Variants in URB1 observed in about 807,000 individuals in gnomAD.
The protein encoded by URB1 is nucleolar pre-ribosomal-associated protein 1.
A neutral mutation model predicts 242.3 loss-of-function variants in URB1; 197 were observed. The ratio of observed to expected loss-of-function variants is 0.81; its 90% CI spans 0.72 to 0.91. URB1 has a LOEUF of 0.91. Ranked by LOEUF, URB1 falls within the 40% of genes least tolerant of loss-of-function variation. The pLI is 0.00. For missense variants in URB1, 2,721 were observed against 2,860.5 expected (o/e 0.95, Z 1.11); for synonymous variants, 1,153 against 1,201.8 (o/e 0.96, Z 0.84).
At chr21:32,320,705 C>A in intron 34 of URB1, 65 bp from the exon 35 acceptor site, 2 of 1,219,594 alleles carry the variant, frequency 1.6e-6, no homozygotes, top group South Asian at 1.3e-5. Context: ...TTAAAGAAAC[C>A]GTTTTAAAAA....
intron 9 of URB1, among the ~76,000 whole-genome samples, chr21:32,367,475 G>C (rs1215437328): frequency 2.6e-5 from 4 of 152,212 alleles, no homozygotes; most frequent in Non-Finnish European, 5.9e-5. Context: ...TGGTTTTATA[G>C]ATAATGCCAG....
chr21:32,354,768 CA>C (rs1395873923), intron 17 of URB1, 90 bp downstream of exon 17: 11 of 1,460,768 alleles, frequency 7.5e-6, no homozygotes, highest in Non-Finnish European at 9.1e-6. Context: ...TGGCCTAGGG[CA>C]TTAGTGCAGT....
In URB1 at chr21:32,366,757, T is replaced by G; in HGVS notation, c.1198-2A>C. 2 of 1,549,928 alleles carry G rather than the reference T, an allele frequency of 1.3e-6. No individual in the cohort carries two copies. Among genetic ancestry groups the G allele is most frequent in the Non-Finnish European group, 1.7e-6 (2 of 1,146,466 alleles). ...AATCTCCGGCTGAGCCTCATAGATC[T>G]AGGAAAAGCAAAAAAGAGATTTAGG... On this transcript the variant is annotated splice_acceptor_variant, in intron 9 of 38. Coordinates refer to ENST00000382751, the MANE Select transcript of URB1 (RefSeq NM_014825.3). LOFTEE classifies it high-confidence loss of function.
intron 30 of URB1, among the ~76,000 whole-genome samples, chr21:32,332,353 T>G (rs1475143491): frequency 1.3e-5 from 2 of 151,282 alleles, no homozygotes; most frequent in Non-Finnish European, 2.9e-5. Context: ...GTGAAAGAAC[T>G]TGTTAAAAGG....
At chr21:32,355,776 T>C (rs940644899) in intron 15 of URB1, among the ~76,000 whole-genome samples, 3 of 152,140 alleles carry the variant, frequency 2.0e-5, no homozygotes, top group Non-Finnish European at 2.9e-5. Flanking sequence ...GTCCAGCTAA[T>C]TTTTCTAATT....
chr21:32,346,903 C>T lies in URB1; in HGVS notation c.3868+53G>A, dbSNP rs552165333. On this transcript the variant is annotated intron_variant, in intron 22 of 38. Transcript: ENST00000382751. ...TAAAAATGGCCATGCAGTTCACCTTCTTAGCCCGTGCAACTTAAGACCCCA... is the reference window on the plus strand; with the variant it reads ...TAAAAATGGCCATGCAGTTCACCTTTTTAGCCCGTGCAACTTAAGACCCCA... 6.2e-6 allele frequency: 9 copies of T among 1,458,520 alleles called. No individual in the cohort carries two copies. In the South Asian group the frequency reaches 1.3e-4, roughly 21 times the overall value. The allele number at this position is 1,458,520 out of a possible 1,614,324, so 90.3% of individuals were successfully genotyped here. A position where few individuals can be genotyped will look rare whatever the true frequency, so the allele number is the denominator to read the frequency against.
chr21:32,369,081 A>C lies in URB1; in HGVS notation c.1002-483T>G, dbSNP rs548817010. On this transcript the variant is annotated intron_variant, in intron 8 of 38. Transcript: ENST00000382751. ...ATGTAGGGCTGGCTGTGGTACTCAC[A>C]ACTGTAATCCCAGCACTTTGGGAGG... Among the ~76,000 whole-genome samples the C allele has an allele frequency of 2.0e-5, 3 of 152,188 alleles. No homozygotes were observed. In the East Asian group the frequency reaches 5.8e-4, roughly 29 times the overall value.
rs2032633376 is a variant in URB1 at position 32,313,815 on chromosome 21, A to G, written c.*1103T>C. ...GGAAATTTTAACTGTGAAAACCACG[A>G]AATTTCATGACTTTTGTCAGCTACA... On this transcript the variant is annotated 3_prime_UTR_variant, in exon 39 of 39. Transcript: ENST00000382751. The G allele has an allele frequency of 6.6e-6, 1 of 152,234 alleles. No homozygotes were observed. Among genetic ancestry groups the G allele is most frequent in the African/African-American group, 2.4e-5 (1 of 41,448 alleles). The allele number at this position is 152,234 out of a possible 1,614,324, so 9.4% of individuals were successfully genotyped here. A position where few individuals can be genotyped will look rare whatever the true frequency, so the allele number is the denominator to read the frequency against.
rs1345411668 is a variant in URB1 at position 32,347,428 on chromosome 21, C to T, written c.3396G>A (p.Glu1132=). The change falls in exon 22 of 39, where the codon GAG becomes GAA. Residue 1132 remains glutamate (E), a synonymous_variant. Transcript: ENST00000382751. ...EVTLALLSLP[E]THLVTQQPTK... Reference sequence around the variant, plus strand: ...TGGGTTGCTGGGTCACCAGGTGTGTCTCAGGCAGGCTCAGCAAGGCCAGGG... The same window carrying T: ...TGGGTTGCTGGGTCACCAGGTGTGTTTCAGGCAGGCTCAGCAAGGCCAGGG... The T allele has an allele frequency of 1.3e-6, 2 of 1,551,356 alleles. No homozygotes were observed. The highest frequency in any genetic ancestry group is 1.7e-6 in the Non-Finnish European group (2 of 1,146,832).
intron 2 of URB1, 95 bp from the exon 3 acceptor site, chr21:32,384,559 G>T: frequency 6.9e-7 from 1 of 1,444,924 alleles, no homozygotes; most frequent in Non-Finnish European, 9.2e-7. Context: ...TTACTTGTAG[G>T]CTTAAAGCCT....
Position 32,383,361 on chromosome 21 carries a change from C to T in URB1, c.567+61G>A, listed in dbSNP as rs1376540921. 2.0e-6 allele frequency: 3 copies of T among 1,497,196 alleles called. No individual in the cohort carries two copies. The Admixed American group carries it at 6.9e-5, about 35-fold the overall frequency. 92.7% of individuals were successfully genotyped at this position (1,497,196 alleles called of 1,614,324 possible). ...CAGGGGCAGAGAATGGAGGAAAAAC[C>T]ACTACAGTCCTCCAAGGGAAGGAGA... On this transcript the variant is annotated intron_variant, in intron 4 of 38. Coordinates refer to ENST00000382751, the MANE Select transcript of URB1 (RefSeq NM_014825.3).
chr21:32,338,450 C>T (rs984478002), intron 26 of URB1, among the ~76,000 whole-genome samples: 6 of 152,308 alleles, frequency 3.9e-5, no homozygotes, highest in East Asian at 1.9e-4. Flanking sequence ...CCCATGATAA[C>T]GGCACTAAGA....
intron 28 of URB1, among the ~76,000 whole-genome samples, chr21:32,335,803 C>T (rs1219538179): frequency 1.3e-5 from 2 of 152,192 alleles, no homozygotes; most frequent in East Asian, 1.9e-4. Context: ...CATCTAAGGA[C>T]GAGATGTTTA....
intron 26 of URB1, among the ~76,000 whole-genome samples, chr21:32,338,365 C>A (rs2032986801): frequency 6.6e-6 from 1 of 152,158 alleles, no homozygotes; most frequent in African/African-American, 2.4e-5. Flanking sequence ...TGCAACTAAT[C>A]AATTTCTCTC....
intron 1 of URB1, 27 bp from the exon 2 acceptor site, chr21:32,385,711 T>C: frequency 6.5e-7 from 1 of 1,549,478 alleles, no homozygotes. Context: ...GTTCAAACAT[T>C]AACAAGGTCA....
chr21:32,317,528 C>T, intron 37 of URB1, 148 bp downstream of exon 37: 1 of 1,282,468 alleles, frequency 7.8e-7, no homozygotes, highest in Non-Finnish European at 1.0e-6. Flanking sequence ...GCCCAGCTCC[C>T]CATCCAGGGC....
intron 1 of URB1, 63 bp from the exon 2 acceptor site, chr21:32,385,747 C>T: frequency 6.5e-7 from 1 of 1,535,012 alleles, no homozygotes; most frequent in Non-Finnish European, 8.8e-7. Context: ...ATCACAGCCA[C>T]CACTGCAACC....
chr21:32,346,273 C>T (rs958248958), intron 22 of URB1, among the ~76,000 whole-genome samples: 5 of 152,196 alleles, frequency 3.3e-5, no homozygotes, highest in Non-Finnish European at 7.4e-5. Context: ...AGCCTGCAGA[C>T]GCATGGGCCA....
rs1284610403 is a variant in URB1 at position 32,349,381 on chromosome 21, A to G, written c.2935T>C (p.Cys979Arg). The change falls in exon 21 of 39, where the codon TGC (cysteine) becomes CGC (arginine). Residue 979 changes from cysteine (C) to arginine (R), a missense_variant. Coordinates refer to ENST00000382751, the MANE Select transcript of URB1 (RefSeq NM_014825.3). ...EQLDAQNQQR[C>R]EAARAEADLF... is the part of the protein sequence containing the mutation. The stretch of plus-strand genomic sequence containing the variant: ...TCGGCTTCGGCCCGGGCGGCCTCGC[A>G]TCTCTGCTGGTTCTGGGCATCCAGC... The G allele has an allele frequency of 6.4e-7, 1 of 1,551,538 alleles. No individual in the cohort carries two copies. Among genetic ancestry groups the G allele is most frequent in the Admixed American group, 2.0e-5 (1 of 51,012 alleles).
Sources: gnomAD v4.1 joint callset for allele counts (sites outside exome capture counted in the v4.1 genomes callset) on GRCh38, gnomAD v4.1.1 for gene constraint, MANE v1.5 for transcripts, NCBI Gene and HGNC (gene_info 2026-07-23, HGNC 2026-07-21) for gene names.